GALNT13: variants seen among roughly 807,000 people sequenced by gnomAD.
GALNT13 encodes polypeptide N-acetylgalactosaminyltransferase 13, also known as UDP-GalNAc:polypeptide N-acetylgalactosaminyltransferase 13.
A neutral mutation model predicts 64.2 loss-of-function variants in GALNT13; 28 were observed. The ratio of observed to expected loss-of-function variants is 0.44; its 90% CI spans 0.32 to 0.60. GALNT13 has a LOEUF of 0.60. Ranked by LOEUF, GALNT13 falls within the 20% of genes least tolerant of loss-of-function variation. GALNT13 has a pLI of 0.05. For synonymous variants in GALNT13, 214 were observed against 224.6 expected (o/e 0.95, Z 0.42); for missense variants, 577 against 669.8 (o/e 0.86, Z 1.53).
At chr2:153,288,642 A>C in the GALNT13 span, among the ~76,000 whole-genome samples, 4 of 152,220 alleles carry the variant, frequency 2.6e-5, no homozygotes, top group Non-Finnish European at 5.9e-5. Context: ...TAATTTACCA[A>C]ATAACGGCTC....
the GALNT13 span, among the ~76,000 whole-genome samples, chr2:153,101,371 T>C: frequency 6.6e-6 from 1 of 152,202 alleles, no homozygotes; most frequent in Non-Finnish European, 1.5e-5. Context: ...GATTGCTTTT[T>C]TACGGTCTTG....
chr2:153,720,872 G>A, the GALNT13 span, among the ~76,000 whole-genome samples: 1 of 151,190 alleles, frequency 6.6e-6, no homozygotes, highest in Non-Finnish European at 1.5e-5. Context: ...ATGGAACCAA[G>A]TTGGAAAACA....
chr2:153,171,876 A>C, the GALNT13 span: 3 of 152,224 alleles, frequency 2.0e-5, no homozygotes, highest in African/African-American at 7.2e-5. Context: ...TTGTCTATTA[A>C]CATTAAAAGC....
chr2:154,450,832 C>G lies in GALNT13; in HGVS notation c.*281C>G. On this transcript the variant is annotated 3_prime_UTR_variant, in exon 13 of 13. Transcript: ENST00000392825. ...TTTGCTTTAAGAAAAATGTTTATTGCACTCATGTCATAGGGTTAATTGGAG... is the reference window on the plus strand; with the variant it reads ...TTTGCTTTAAGAAAAATGTTTATTGGACTCATGTCATAGGGTTAATTGGAG... The G allele has an allele frequency of 3.6e-6, 1 of 275,424 alleles. No individual in the cohort carries two copies. Among genetic ancestry groups the G allele is most frequent in the Non-Finnish European group, 6.8e-6 (1 of 146,520 alleles). The allele number at this position is 275,424 out of a possible 1,614,324, so 17.1% of individuals were successfully genotyped here.
rs925240813 is a variant in GALNT13 at position 154,453,356 on chromosome 2, A to G, written c.*2805A>G. On this transcript the variant is annotated 3_prime_UTR_variant, in exon 13 of 13. Transcript: ENST00000392825. ...ACTCACCACACATACATACACATGC[A>G]CACACACACACATGCAATTCTACCT... 1 of 151,742 alleles carries G rather than the reference A, an allele frequency of 6.6e-6. No homozygotes were observed. Among genetic ancestry groups the G allele is most frequent in the Non-Finnish European group, 1.5e-5 (1 of 68,038 alleles). 9.4% of individuals were successfully genotyped at this position (151,742 alleles called of 1,614,324 possible).
At chr2:153,696,462 T>A in the GALNT13 span, among the ~76,000 whole-genome samples, 1 of 152,162 alleles carries the variant, frequency 6.6e-6, no homozygotes, top group Admixed American at 6.5e-5. Flanking sequence ...CTGGGAACAA[T>A]ACATTGTATG....
the GALNT13 span, among the ~76,000 whole-genome samples, chr2:153,612,172 TA>T: frequency 6.6e-6 from 1 of 152,082 alleles, no homozygotes; most frequent in East Asian, 1.9e-4. Context: ...TGGTGATCAT[TA>T]AAAAGTCAGG....
At chr2:153,715,032 C>G in the GALNT13 span, among the ~76,000 whole-genome samples, 7 of 152,064 alleles carry the variant, frequency 4.6e-5, no homozygotes, top group Non-Finnish European at 1.0e-4. Context: ...CTCACTCTCT[C>G]TGTGTCTGTC....
At chr2:154,027,147 A>G (rs1033418673) in intron 3 of GALNT13, among the ~76,000 whole-genome samples, 5 of 152,188 alleles carry the variant, frequency 3.3e-5, no homozygotes, top group Admixed American at 1.3e-4. Context: ...TATTTTACCT[A>G]TCTAAACAAG....
the GALNT13 span, among the ~76,000 whole-genome samples, chr2:153,188,595 T>C: frequency 1.3e-5 from 2 of 152,122 alleles, no homozygotes; most frequent in African/African-American, 4.8e-5. Context: ...AGGAACTTTT[T>C]TTCTGGTATG....
chr2:153,199,710 T>C, the GALNT13 span, among the ~76,000 whole-genome samples: 6 of 152,210 alleles, frequency 3.9e-5, no homozygotes. Context: ...TGTTGTCCTA[T>C]GTTTATGCTG....
the GALNT13 span, among the ~76,000 whole-genome samples, chr2:153,746,530 T>C: frequency 1.3e-5 from 2 of 152,216 alleles, no homozygotes; most frequent in Admixed American, 1.3e-4. Flanking sequence ...ATGCCACAGT[T>C]CATTTACACT....
the GALNT13 span, among the ~76,000 whole-genome samples, chr2:153,202,874 A>C: frequency 2.0e-5 from 3 of 152,186 alleles, no homozygotes; most frequent in African/African-American, 7.2e-5. Context: ...CTCTTTAATA[A>C]TTCAGTATAA....
At chr2:154,008,301 C>G (rs1367090663) in intron 3 of GALNT13, among the ~76,000 whole-genome samples, 1 of 152,088 alleles carries the variant, frequency 6.6e-6, no homozygotes, top group African/African-American at 2.4e-5. Context: ...ACTCAGTTCT[C>G]CCTTAGGAGT....
At chr2:153,415,091 C>T in the GALNT13 span, among the ~76,000 whole-genome samples, 1 of 152,084 alleles carries the variant, frequency 6.6e-6, no homozygotes, top group Admixed American at 6.5e-5. Flanking sequence ...TTTGGCCTTC[C>T]CATAAGAGTA....
At chr2:153,092,758 T>C in the GALNT13 span, among the ~76,000 whole-genome samples, 1 of 152,200 alleles carries the variant, frequency 6.6e-6, no homozygotes, top group Admixed American at 6.5e-5. Flanking sequence ...TTTCCAAATA[T>C]AAGATCATAT....
chr2:153,485,506 G>A, the GALNT13 span, among the ~76,000 whole-genome samples: 97 of 152,236 alleles, frequency 6.4e-4, no homozygotes, highest in Admixed American at 1.5e-3. Context: ...TAGGTTTGCC[G>A]CCACCCAAAC....
At chr2:153,807,185 C>T in the GALNT13 span, among the ~76,000 whole-genome samples, 1 of 151,946 alleles carries the variant, frequency 6.6e-6, no homozygotes, top group African/African-American at 2.4e-5. Flanking sequence ...TCACTTATGA[C>T]ATACTCATGT....
chr2:153,650,764 C>A, the GALNT13 span, among the ~76,000 whole-genome samples: 2 of 151,908 alleles, frequency 1.3e-5, no homozygotes, highest in African/African-American at 4.8e-5. Context: ...AATACCCAGG[C>A]AAACAGGTTT....
Sources: gnomAD v4.1 joint callset for allele counts (sites outside exome capture counted in the v4.1 genomes callset) on GRCh38, gnomAD v4.1.1 for gene constraint, MANE v1.5 for transcripts, NCBI Gene and HGNC (gene_info 2026-07-23, HGNC 2026-07-21) for gene names.